SLC39A11: variants seen among roughly 807,000 people sequenced by gnomAD.
The protein encoded by SLC39A11 is zinc transporter ZIP11.
SLC39A11 carries 33 observed loss-of-function variants against 36.1 expected under a neutral mutation model. That is an observed-to-expected ratio of 0.91 (90% confidence interval 0.69 to 1.22). SLC39A11 has a LOEUF of 1.22. Among genes scored for constraint, SLC39A11 ranks in the 50% most tolerant of loss-of-function variants. SLC39A11 has a pLI of 0.00. For synonymous variants in SLC39A11, 166 were observed against 170.3 expected (o/e 0.97, Z 0.20); for missense variants, 432 against 430.3 (o/e 1.00, Z -0.03).
chr17:72,928,681 T>C (rs1165970868), intron 5 of SLC39A11, among the ~76,000 whole-genome samples: 1 of 152,140 alleles, frequency 6.6e-6, no homozygotes, highest in Non-Finnish European at 1.5e-5. Context: ...TCTACGTCAA[T>C]AGACTCTCAC....
intron 7 of SLC39A11, among the ~76,000 whole-genome samples, chr17:72,678,856 A>T (rs2071392663): frequency 1.3e-5 from 2 of 152,206 alleles, no homozygotes; most frequent in South Asian, 2.1e-4. Flanking sequence ...ACAAGAGCCA[A>T]GACAGGGAGT....
intron 5 of SLC39A11, among the ~76,000 whole-genome samples, chr17:72,919,648 G>A (rs2147233848): frequency 6.7e-6 from 1 of 148,820 alleles, no homozygotes; most frequent in East Asian, 2.0e-4. Context: ...CTCCAGACTG[G>A]GCGACAGAGG....
At chr17:72,926,376 A>C (rs2084049640) in intron 5 of SLC39A11, among the ~76,000 whole-genome samples, 1 of 152,180 alleles carries the variant, frequency 6.6e-6, no homozygotes, top group Admixed American at 6.5e-5. Flanking sequence ...ACAAAGGCCA[A>C]ATGGACATGA....
chr17:72,654,406 T>C (rs974116973), intron 7 of SLC39A11, among the ~76,000 whole-genome samples: 1 of 152,208 alleles, frequency 6.6e-6, no homozygotes, highest in East Asian at 1.9e-4. Flanking sequence ...ATGCGGCCTG[T>C]TCTCGCAGCT....
chr17:73,006,918 A>T (rs2090216539), intron 4 of SLC39A11, among the ~76,000 whole-genome samples: 1 of 152,132 alleles, frequency 6.6e-6, no homozygotes, highest in South Asian at 2.1e-4. Context: ...TTCAATGATG[A>T]ATAAAGCTCC....
chr17:72,851,156 G>A (rs952466184), intron 5 of SLC39A11, among the ~76,000 whole-genome samples: 5 of 152,124 alleles, frequency 3.3e-5, no homozygotes, highest in African/African-American at 1.2e-4. Flanking sequence ...TGGGCCATCC[G>A]TAGCACCCAG....
intron 5 of SLC39A11, among the ~76,000 whole-genome samples, chr17:72,882,534 G>A (rs1309592495): frequency 6.6e-6 from 1 of 152,130 alleles, no homozygotes; most frequent in Non-Finnish European, 1.5e-5. Context: ...CTGGCTCTCT[G>A]CAAATTTTCT....
At chr17:72,886,350 A>C (rs2081437583) in intron 5 of SLC39A11, among the ~76,000 whole-genome samples, 1 of 152,220 alleles carries the variant, frequency 6.6e-6, no homozygotes, top group Admixed American at 6.5e-5. Flanking sequence ...GAGGCATCTC[A>C]GACACAGAAC....
chr17:72,756,052 G>A (rs2075356561), intron 6 of SLC39A11, among the ~76,000 whole-genome samples: 1 of 152,224 alleles, frequency 6.6e-6, no homozygotes, highest in Admixed American at 6.5e-5. Flanking sequence ...AAACATAACA[G>A]TGTTGGCAAG....
At chr17:73,007,520 G>A (rs562252188) in intron 4 of SLC39A11, among the ~76,000 whole-genome samples, 24 of 152,304 alleles carry the variant, frequency 1.6e-4, no homozygotes, top group African/African-American at 5.5e-4. Context: ...GAAGGACTTG[G>A]CCTGGTGAAA....
intron 7 of SLC39A11, among the ~76,000 whole-genome samples, chr17:72,698,459 C>CAAAAAAAAAAAA (rs61454778): frequency 5.4e-5 from 5 of 92,972 alleles, no homozygotes; most frequent in Middle Eastern, 6.3e-3. Flanking sequence ...TAATAAAAAC[C>CAAAAAAAAAAAA]AAAAAAAAAA....
At chr17:72,654,548 G>C (rs1450622050) in intron 7 of SLC39A11, among the ~76,000 whole-genome samples, 1 of 152,124 alleles carries the variant, frequency 6.6e-6, no homozygotes. Context: ...CCCCTGCCCC[G>C]CCTTCCCAGA....
At chr17:72,942,378 AG>A (rs2085164703) in intron 5 of SLC39A11, among the ~76,000 whole-genome samples, 1 of 152,224 alleles carries the variant, frequency 6.6e-6, no homozygotes, top group Admixed American at 6.5e-5. Flanking sequence ...CCACATGCCA[AG>A]AAATTATATC....
chr17:72,939,973 T>C (rs1016340942), intron 5 of SLC39A11, among the ~76,000 whole-genome samples: 1 of 152,204 alleles, frequency 6.6e-6, no homozygotes, highest in African/African-American at 2.4e-5. Flanking sequence ...AGCATTTCCT[T>C]TGAGCATCAT....
At chr17:72,862,831 C>A (rs1481730502) in intron 5 of SLC39A11, among the ~76,000 whole-genome samples, 1 of 152,202 alleles carries the variant, frequency 6.6e-6, no homozygotes, top group Non-Finnish European at 1.5e-5. Flanking sequence ...GAAGCTGAGG[C>A]CACATGTGCA....
At chr17:72,979,363 A>G (rs187128360) in intron 4 of SLC39A11, among the ~76,000 whole-genome samples, 1 of 137,082 alleles carries the variant, frequency 7.3e-6, no homozygotes, top group African/African-American at 2.7e-5. Flanking sequence ...ACAGACTAAT[A>G]CAGGGGCTAT....
intron 6 of SLC39A11, among the ~76,000 whole-genome samples, chr17:72,802,229 A>G (rs1041225840): frequency 2.0e-5 from 3 of 152,172 alleles, no homozygotes; most frequent in African/African-American, 7.2e-5. Flanking sequence ...AGGTGAGGGC[A>G]GATTGATTCC....
At chr17:72,727,262 G>GA (rs1294180285) in intron 7 of SLC39A11, among the ~76,000 whole-genome samples, 2 of 152,228 alleles carry the variant, frequency 1.3e-5, no homozygotes, top group Admixed American at 1.3e-4. Context: ...CAGCAGAAAG[G>GA]AAAACCGCTT....
rs561910981 is a variant in SLC39A11, at chr17:72,840,175, C to T, written c.601+9459G>A. ...AAATCCCAAGCATTTCTTTGAAAGC[C>T]ATTATCAGGAGCTGGCAATGAGGAC... On this transcript the variant is annotated intron_variant, in intron 6 of 9. Transcript: ENST00000255559. 3.9e-5 allele frequency among the ~76,000 whole-genome samples: 6 copies of T among 152,268 alleles called. No homozygotes were observed. In the South Asian group the frequency reaches 1.2e-3, roughly 32 times the overall value.
Sources: allele counts gnomAD v4.1 joint callset (sites outside exome capture counted in the v4.1 genomes callset), GRCh38; gene constraint gnomAD v4.1.1; transcripts MANE v1.5; gene names NCBI Gene and HGNC (gene_info 2026-07-23, HGNC 2026-07-21).